Variants in STK32C observed in about 807,000 individuals in gnomAD.
STK32C encodes the protein serine/threonine-protein kinase 32C.
Under a neutral mutation model 56.5 loss-of-function variants are expected in STK32C, and 31 were observed. The ratio of observed to expected loss-of-function variants is 0.55; its 90% CI spans 0.41 to 0.74. The LOEUF (loss-of-function observed/expected upper bound fraction) is 0.74, where lower values mean the gene tolerates loss of function less well. Among genes scored for constraint, STK32C ranks in the 30% least tolerant of loss-of-function variants. STK32C has a pLI of 0.00. For synonymous variants in STK32C, 309 were observed against 289.4 expected (o/e 1.07, Z -0.69); for missense variants, 544 against 676.9 (o/e 0.80, Z 2.18).
In STK32C at chr10:132,307,040, G is replaced by A. The variant is rs2066093476; in HGVS notation, c.262+532C>T. The A allele has an allele frequency of 6.6e-6, 1 of 152,358 alleles. No homozygotes were observed. The highest frequency in any genetic ancestry group is 1.9e-4 in the East Asian group (1 of 5,202). 9.4% of individuals were successfully genotyped at this position (152,358 alleles called of 1,614,324 possible). On this transcript the variant is annotated intron_variant, in intron 1 of 11. Coordinates refer to ENST00000298630, the MANE Select transcript of STK32C (RefSeq NM_173575.4). The surrounding 1 kb of genome is among the most constrained non-coding windows in gnomAD (Gnocchi z 4.4). ...AGCGCACTCGTTCCTGGCAGGGCAGGTCTTTGCACAACGGCCTGGCCCTGC... is the reference window on the plus strand; with the variant it reads ...AGCGCACTCGTTCCTGGCAGGGCAGATCTTTGCACAACGGCCTGGCCCTGC...
chr10:132,224,431 C>T lies in STK32C; in HGVS notation c.969G>A (p.Lys323=). Residue 323 remains lysine, a synonymous_variant, in exon 8 of 12, where the codon AAG becomes AAA. Coordinates refer to ENST00000298630, the MANE Select transcript of STK32C (RefSeq NM_173575.4). ...VSVQYVPTWS[K]EMVALLRKLL... Reference sequence around the variant, plus strand: ...CCTTCCGCAGCAAGGCCACCATCTCCTTGGACCACGTGGGGACATACTGGA... The same window carrying T: ...CCTTCCGCAGCAAGGCCACCATCTCTTTGGACCACGTGGGGACATACTGGA... The T allele has an allele frequency of 3.2e-6, 5 of 1,555,472 alleles. No homozygotes were observed. The South Asian group carries it at 5.9e-5, about 18-fold the overall frequency.
At chr10:132,275,442 G>A (rs369631957) in intron 1 of STK32C, among the ~76,000 whole-genome samples, 1 of 152,202 alleles carries the variant, frequency 6.6e-6, no homozygotes. Context: ...TAGATGTCGT[G>A]CCATGGACGT....
intron 1 of STK32C, among the ~76,000 whole-genome samples, chr10:132,303,435 C>T (rs959260542): frequency 6.6e-6 from 1 of 152,208 alleles, no homozygotes; most frequent in Non-Finnish European, 1.5e-5. Flanking sequence ...GATGATGAAT[C>T]TGACCACACA....
At chr10:132,273,157 A>T (rs1188980560) in intron 1 of STK32C, among the ~76,000 whole-genome samples, 4 of 152,132 alleles carry the variant, frequency 2.6e-5, no homozygotes, top group African/African-American at 9.7e-5. Context: ...CTTCACACAA[A>T]TCAGTTCCAA....
At chr10:132,276,571 C>T (rs2065003016) in intron 1 of STK32C, among the ~76,000 whole-genome samples, 1 of 151,934 alleles carries the variant, frequency 6.6e-6, no homozygotes, top group Admixed American at 6.5e-5. Context: ...TGCTTGTGGC[C>T]AGGAGTGTGA....
intron 10 of STK32C, among the ~76,000 whole-genome samples, chr10:132,212,174 G>A (rs533412691): frequency 3.9e-5 from 6 of 152,100 alleles, no homozygotes; most frequent in African/African-American, 1.4e-4. Context: ...CAAAACTGGG[G>A]GATTCACAGA....
intron 1 of STK32C, among the ~76,000 whole-genome samples, chr10:132,312,972 G>A (rs538979745): frequency 1.3e-5 from 2 of 152,212 alleles, no homozygotes; most frequent in Non-Finnish European, 2.9e-5. Flanking sequence ...CCTGTGAGGT[G>A]GAGATTGCTG....
chr10:132,268,575 A>G (rs2064688890), intron 1 of STK32C, among the ~76,000 whole-genome samples: 2 of 130,584 alleles, frequency 1.5e-5, no homozygotes, highest in Admixed American at 8.2e-5. Flanking sequence ...GCGTGTGTAC[A>G]TGCATGTGTA....
At chr10:132,272,820 CCTTCCGG>C (rs1326245822) in intron 1 of STK32C, among the ~76,000 whole-genome samples, 1 of 152,234 alleles carries the variant, frequency 6.6e-6, no homozygotes, top group African/African-American at 2.4e-5. Context: ...TAGCCCATGT[CCTTCCGG>C]CTGCCAGCAA....
chr10:132,307,696 C>T lies in STK32C; in HGVS notation c.138G>A (p.Arg46=). 2.0e-6 allele frequency: 3 copies of T among 1,489,866 alleles called. No homozygotes were observed. The highest frequency in any genetic ancestry group is 2.7e-6 in the Non-Finnish European group (3 of 1,117,018). 92.3% of individuals were successfully genotyped at this position (1,489,866 alleles called of 1,614,324 possible). A position where few individuals can be genotyped will look rare whatever the true frequency, so the allele number is the denominator to read the frequency against. The change falls in exon 1 of 12, where the codon CGG becomes CGA. Residue 46 remains arginine (R), a synonymous_variant. Coordinates refer to ENST00000298630, the MANE Select transcript of STK32C (RefSeq NM_173575.4). This position sits in a 1 kb window ranked among gnomAD's most constrained non-coding sequence, Gnocchi z 4.4. ...PPPAAGQPRA[R]DSGDVRSQPR... ...GCTGCGAGCGGACATCGCCCGAGTCCCGGGCCCGGGGCTGGCCAGCAGCGG... is the reference window on the plus strand; with the variant it reads ...GCTGCGAGCGGACATCGCCCGAGTCTCGGGCCCGGGGCTGGCCAGCAGCGG...
intron 1 of STK32C, among the ~76,000 whole-genome samples, chr10:132,266,778 A>C (rs889306707): frequency 1.3e-5 from 2 of 149,948 alleles, no homozygotes; most frequent in Non-Finnish European, 3.0e-5. Context: ...GCTCTCGGGG[A>C]GGAGGGCACT....
rs189181818 is a variant in STK32C at position 132,228,973 on chromosome 10, G to C, written c.319-845C>G. Reference sequence around the variant, plus strand: ...TGTACCCTCTGAGCATGGATCATCGGTGTCAACACTGATGCCGCAAACACA... The same window carrying C: ...TGTACCCTCTGAGCATGGATCATCGCTGTCAACACTGATGCCGCAAACACA... On this transcript the variant is annotated intron_variant, in intron 2 of 11. Coordinates refer to ENST00000298630, the MANE Select transcript of STK32C (RefSeq NM_173575.4). Among the ~76,000 whole-genome samples the C allele has an allele frequency of 5.3e-5, 8 of 152,360 alleles. No homozygotes were observed. The East Asian group carries it at 1.5e-3, about 29-fold the overall frequency.
intron 1 of STK32C, among the ~76,000 whole-genome samples, chr10:132,250,015 G>A (rs924422910): frequency 3.3e-5 from 5 of 152,238 alleles, no homozygotes; most frequent in South Asian, 4.1e-4. Context: ...GCTTTGAGGG[G>A]AGCAATATGT....
At chr10:132,330,010 A>G (rs2066608769) in intron 1 of STK32C, among the ~76,000 whole-genome samples, 1 of 152,254 alleles carries the variant, frequency 6.6e-6, no homozygotes, top group Non-Finnish European at 1.5e-5. Flanking sequence ...AAATCAAGAC[A>G]GGAAATGACT....
intron 2 of STK32C, among the ~76,000 whole-genome samples, chr10:132,229,325 G>A (rs992456559): frequency 1.3e-5 from 2 of 152,136 alleles, no homozygotes; most frequent in African/African-American, 2.4e-5. Context: ...GGCCACAGAT[G>A]GCCCTGGGCT....
intron 1 of STK32C, among the ~76,000 whole-genome samples, chr10:132,293,998 G>C (rs559383857): frequency 6.6e-6 from 1 of 152,358 alleles, no homozygotes; most frequent in African/African-American, 2.4e-5. Flanking sequence ...GGCGGGGCCA[G>C]CATGGGGGCA....
Position 132,224,501 on chromosome 10 carries a change from C to A in STK32C, c.899G>T (p.Ser300Ile). ...RGWRPYDIHSSNAVESLVQLF... is the reference protein window; with the variant it reads ...RGWRPYDIHSINAVESLVQLF... ...CTGCACCAGGGACTCCACGGCGTTG[C>A]TGGAGTGGATGTCATAGGGCCTCTG... The change falls in exon 8 of 12, where the codon AGC becomes ATC. Residue 300 changes from serine to isoleucine, a missense_variant. This residue lies in a region of STK32C where 277 missense variants were observed against 309.3 expected (regional missense o/e 0.90). Transcript: ENST00000298630. The A allele has an allele frequency of 6.3e-7, 1 of 1,591,308 alleles. No individual in the cohort carries two copies. Among genetic ancestry groups the A allele is most frequent in the South Asian group, 1.1e-5 (1 of 87,060 alleles).
At chr10:132,316,063 G>C (rs2066303579) in intron 1 of STK32C, among the ~76,000 whole-genome samples, 1 of 152,086 alleles carries the variant, frequency 6.6e-6, no homozygotes, top group Admixed American at 6.6e-5. Flanking sequence ...AAAAATAAGA[G>C]ATGTTAAAAA....
intron 4 of STK32C, 88 bp downstream of exon 4, chr10:132,226,707 G>T: frequency 6.7e-7 from 1 of 1,499,534 alleles, no homozygotes; most frequent in Non-Finnish European, 9.1e-7. Context: ...CTCTGAGGGA[G>T]TACGGCCGCC....
Sources: gnomAD v4.1 joint callset for allele counts (sites outside exome capture counted in the v4.1 genomes callset) on GRCh38, gnomAD v4.1.1 for gene constraint, gnomAD v4.1.1 regional missense constraint, Gnocchi (gnomAD v3.1) non-coding constraint, MANE v1.5 for transcripts, NCBI Gene and HGNC (gene_info 2026-07-23, HGNC 2026-07-21) for gene names.